AGBL4: variants seen among roughly 807,000 people sequenced by gnomAD.
AGBL4 encodes the protein cytosolic carboxypeptidase 6.
A neutral mutation model predicts 66.4 loss-of-function variants in AGBL4; 58 were observed. The observed-to-expected ratio is 0.87, with a 90% CI of 0.71 to 1.09. The LOEUF is 1.09. Among genes scored for constraint, AGBL4 ranks in the 50% least tolerant of loss-of-function variants. AGBL4 has a pLI of 0.00. For missense variants in AGBL4, 579 were observed against 631.0 expected (o/e 0.92, Z 0.88); for synonymous variants, 234 against 222.9 (o/e 1.05, Z -0.44).
intron 2 of AGBL4, among the ~76,000 whole-genome samples, chr1:49,784,190 G>A (rs1354817294): frequency 6.6e-6 from 1 of 152,006 alleles, no homozygotes; most frequent in African/African-American, 2.4e-5. Context: ...TGCAAAAGAA[G>A]AACAAAGTTG....
At chr1:48,801,789 T>C (rs1378384753) in intron 6 of AGBL4, among the ~76,000 whole-genome samples, 1 of 152,192 alleles carries the variant, frequency 6.6e-6, no homozygotes, top group African/African-American at 2.4e-5. Context: ...GTTTTTGCAG[T>C]GGTTCTTGGA....
intron 3 of AGBL4, among the ~76,000 whole-genome samples, chr1:49,474,310 C>A (rs1467663297): frequency 6.6e-6 from 1 of 151,954 alleles, no homozygotes; most frequent in Non-Finnish European, 1.5e-5. Context: ...TCTTTCAGCT[C>A]TGTTTTCTAG....
intron 7 of AGBL4, among the ~76,000 whole-genome samples, chr1:48,658,247 C>T (rs1006147285): frequency 3.3e-5 from 5 of 152,230 alleles, no homozygotes; most frequent in Admixed American, 2.0e-4. Flanking sequence ...AGCAAGGAGT[C>T]TATCTGCATG....
chr1:48,871,186 T>A (rs1648616640), intron 5 of AGBL4, among the ~76,000 whole-genome samples: 1 of 152,092 alleles, frequency 6.6e-6, no homozygotes, highest in Non-Finnish European at 1.5e-5. Context: ...GGTTGCCAAC[T>A]GAGAGAGATA....
rs72899158 is a variant in AGBL4 at position 48,557,459 on chromosome 1, A to G, written c.1268-17721T>C. 3.9e-3 allele frequency among the ~76,000 whole-genome samples: 589 copies of G among 152,226 alleles called. 3 individuals are homozygous for G. The highest frequency in any genetic ancestry group is 0.014 in the African/African-American group (564 of 41,532). ...TGGCTCTTCCCCTCTCACTCCTTGG[A>G]AAGAAGGAAAGCTCATCAGAGCCAG... On this transcript the variant is annotated intron_variant, in intron 11 of 13. Coordinates refer to ENST00000371839, the MANE Select transcript of AGBL4 (RefSeq NM_032785.4).
intron 6 of AGBL4, among the ~76,000 whole-genome samples, chr1:48,702,865 C>G (rs1054920573): frequency 2.6e-5 from 4 of 152,126 alleles, no homozygotes; most frequent in Non-Finnish European, 5.9e-5. Flanking sequence ...CAACTTCAGG[C>G]AGGCAAAATC....
intron 5 of AGBL4, among the ~76,000 whole-genome samples, chr1:48,989,040 C>T (rs1191687785): frequency 1.1e-4 from 17 of 152,074 alleles, no homozygotes; most frequent in Admixed American, 1.1e-3. Flanking sequence ...CTGACAGATA[C>T]GGAGGTAGAG....
intron 3 of AGBL4, among the ~76,000 whole-genome samples, chr1:49,394,111 T>C (rs568966335): frequency 2.0e-5 from 3 of 151,962 alleles, no homozygotes; most frequent in Non-Finnish European, 4.4e-5. Flanking sequence ...GGATCAAAAG[T>C]GTCACTGACA....
chr1:49,240,442 A>G (rs1212706044), intron 4 of AGBL4, among the ~76,000 whole-genome samples: 1 of 151,868 alleles, frequency 6.6e-6, no homozygotes, highest in African/African-American at 2.4e-5. Flanking sequence ...CAAGACCTCC[A>G]TGTCACTACA....
At chr1:49,544,757 A>G (rs1652346013) in intron 3 of AGBL4, among the ~76,000 whole-genome samples, 1 of 152,252 alleles carries the variant, frequency 6.6e-6, no homozygotes, top group Non-Finnish European at 1.5e-5. Flanking sequence ...TGTGGCATAC[A>G]GATTTGACTG....
At chr1:49,449,056 T>C (rs1178042740) in intron 3 of AGBL4, among the ~76,000 whole-genome samples, 4 of 152,044 alleles carry the variant, frequency 2.6e-5, no homozygotes, top group Non-Finnish European at 5.9e-5. Context: ...TTATTAAGTC[T>C]CTTCAAAGGT....
intron 5 of AGBL4, among the ~76,000 whole-genome samples, chr1:48,883,523 C>G (rs1041931337): frequency 6.6e-6 from 1 of 152,226 alleles, no homozygotes; most frequent in Non-Finnish European, 1.5e-5. Flanking sequence ...TTCTTTGACT[C>G]TCCGTCCCCA....
At chr1:49,420,123 A>G (rs908121591) in intron 3 of AGBL4, among the ~76,000 whole-genome samples, 4 of 152,204 alleles carry the variant, frequency 2.6e-5, no homozygotes, top group African/African-American at 9.6e-5. Flanking sequence ...AATTCTCCCA[A>G]TAATACTTTC....
At chr1:49,327,405 A>C (rs1028079248) in intron 3 of AGBL4, among the ~76,000 whole-genome samples, 1 of 152,212 alleles carries the variant, frequency 6.6e-6, no homozygotes, top group African/African-American at 2.4e-5. Context: ...AAGGCAGACT[A>C]TTATCTTAGT....
intron 6 of AGBL4, among the ~76,000 whole-genome samples, chr1:48,814,485 AATTAT>A (rs920423768): frequency 1.3e-5 from 2 of 152,124 alleles, no homozygotes; most frequent in Non-Finnish European, 2.9e-5. Context: ...TTCTAGCTGA[AATTAT>A]ATAACTATTA....
At chr1:49,949,211 TCAA>T (rs1407559954) in intron 1 of AGBL4, among the ~76,000 whole-genome samples, 4 of 151,740 alleles carry the variant, frequency 2.6e-5, no homozygotes, top group African/African-American at 9.7e-5. Context: ...TATACAAAAA[TCAA>T]CTCAAGAAGG....
intron 1 of AGBL4, among the ~76,000 whole-genome samples, chr1:49,916,787 T>C (rs1450653202): frequency 6.6e-6 from 1 of 152,100 alleles, no homozygotes; most frequent in Non-Finnish European, 1.5e-5. Flanking sequence ...AATTATCAGA[T>C]TCACCAAAGT....
intron 5 of AGBL4, among the ~76,000 whole-genome samples, chr1:48,957,920 T>C (rs967924305): frequency 5.9e-5 from 9 of 152,116 alleles, no homozygotes; most frequent in African/African-American, 2.2e-4. Context: ...TCTACATTTT[T>C]CCTCAGGATA....
intron 2 of AGBL4, among the ~76,000 whole-genome samples, chr1:49,747,296 A>G (rs764652220): frequency 1.2e-4 from 18 of 152,168 alleles, no homozygotes; most frequent in Non-Finnish European, 2.1e-4. Flanking sequence ...TGCAAGTAGC[A>G]TACCTAAATC....
Sources: allele counts gnomAD v4.1 joint callset (sites outside exome capture counted in the v4.1 genomes callset), GRCh38; gene constraint gnomAD v4.1.1; transcripts MANE v1.5; gene names NCBI Gene and HGNC (gene_info 2026-07-23, HGNC 2026-07-21).